Variants in TRPA1 observed in about 807,000 individuals in gnomAD.
TRPA1 encodes the protein ankyrin-like with transmembrane domains 1.
TRPA1 carries 129 observed loss-of-function variants against 131.3 expected under a neutral mutation model. The observed-to-expected ratio is 0.98, with a 90% CI of 0.85 to 1.14. TRPA1 has a LOEUF of 1.14. TRPA1 is among the 50% of genes most tolerant of loss of function. The pLI, the probability that TRPA1 is intolerant of heterozygous loss-of-function variation, is 0.00. For missense variants in TRPA1, 1,304 were observed against 1,354.2 expected, an observed-to-expected ratio of 0.96 and a Z score of 0.58; for synonymous variants, 441 against 451.7, an observed-to-expected ratio of 0.98 and a Z score of 0.30.
intron 17 of TRPA1, among the ~76,000 whole-genome samples, 193 bp from the exon 18 acceptor site, chr8:72,039,990 G>T (rs1056042582): frequency 2.0e-5 from 3 of 152,024 alleles, no homozygotes; most frequent in African/African-American, 7.2e-5. Context: ...TTTTGTACAG[G>T]TAAAATTGTT....
chr8:72,057,869 A>G (rs185517507), intron 8 of TRPA1, 53 bp from the exon 9 acceptor site: 1 of 1,310,628 alleles, frequency 7.6e-7, no homozygotes. Context: ...ATAAATCATA[A>G]TATATTGTAA....
chr8:72,025,104 TCGTG>T (rs1320188402), intron 25 of TRPA1, among the ~76,000 whole-genome samples: 173 of 125,678 alleles, frequency 1.4e-3, no homozygotes, highest in African/African-American at 5.4e-3. Context: ...GTGTGTGTGT[TCGTG>T]TGTGTGTGTG....
the TRPA1 span, among the ~76,000 whole-genome samples, chr8:72,081,527 T>C: frequency 6.6e-6 from 1 of 151,878 alleles, no homozygotes; most frequent in South Asian, 2.1e-4. Context: ...TCGGTGATAG[T>C]GTTGCTCAAG....
the TRPA1 span, among the ~76,000 whole-genome samples, chr8:72,089,941 T>G: frequency 1.3e-5 from 2 of 152,060 alleles, no homozygotes; most frequent in East Asian, 1.9e-4. Flanking sequence ...AGAAAAGGTA[T>G]GCTTACCTTT....
rs1489850970 is a variant in TRPA1 at position 72,039,055 on chromosome 8, G to A, written c.2133-28C>T. ...ACAAAAATATAAGCAAACCAGAATT[G>A]AGTCATTTCAAACAAAAATATTTAC... On this transcript the variant is annotated intron_variant, in intron 18 of 26. Coordinates refer to ENST00000262209, the MANE Select transcript of TRPA1 (RefSeq NM_007332.3). The A allele has an allele frequency of 3.1e-6, 5 of 1,609,782 alleles. No homozygotes were observed. In the South Asian group the frequency reaches 5.5e-5, roughly 18 times the overall value.
chr8:72,080,441 C>A (rs1478131601), upstream of TRPA1, among the ~76,000 whole-genome samples: 2 of 151,532 alleles, frequency 1.3e-5, no homozygotes, highest in Non-Finnish European at 3.0e-5. Context: ...TAATATTAAA[C>A]CAACCTTTTC....
In TRPA1 at chr8:72,062,803, A is replaced by C; in HGVS notation, c.803T>G (p.Val268Gly). 1 of 1,613,958 alleles carries C rather than the reference A, an allele frequency of 6.2e-7. No homozygotes were observed. Among genetic ancestry groups the C allele is most frequent in the South Asian group, 1.1e-5 (1 of 91,080 alleles). The change falls in exon 6 of 27, where the codon GTG becomes GGG. Residue 268 changes from valine (V) to glycine (G), a missense_variant. Coordinates refer to ENST00000262209, the MANE Select transcript of TRPA1 (RefSeq NM_007332.3). ...ATATAGAATATGAAGAGTTACCTCC[A>C]CTGGGTCTATTTGTGCACCATTGTC... ...CLDNGAQIDPVEKGRCTAIHF... is the reference protein window; with the variant it reads ...CLDNGAQIDPGEKGRCTAIHF...
chr8:72,046,656 A>T, intron 16 of TRPA1, 48 bp from the exon 17 acceptor site: 1 of 960,928 alleles, frequency 1.0e-6, no homozygotes, highest in Non-Finnish European at 1.6e-6. Flanking sequence ...TTAGTCAAGT[A>T]TAGAATCCCC....
At chr8:72,023,398 T>C (rs1461268207) in intron 26 of TRPA1, 2 of 506,642 alleles carry the variant, frequency 3.9e-6, no homozygotes, top group Non-Finnish European at 7.2e-6. Flanking sequence ...GGGTCACAGT[T>C]ATTACGTACC....
Position 72,068,893 on chromosome 8 carries a change from G to A in TRPA1, c.444+130C>T, listed in dbSNP as rs958836099. On this transcript the variant is annotated intron_variant, in intron 3 of 26. Transcript: ENST00000262209. The stretch of plus-strand genomic sequence containing the variant: ...TTAGTTAGTGAGAAGTAAAGCAAAT[G>A]TAATAATTGCATTTTGTTTGCCATG... 5.3e-6 allele frequency: 5 copies of A among 934,934 alleles called. No individual in the cohort carries two copies. In the African/African-American group the frequency reaches 6.5e-5, roughly 12 times the overall value. The allele number at this position is 934,934 out of a possible 1,614,324, so 57.9% of individuals were successfully genotyped here. A position where few individuals can be genotyped will look rare whatever the true frequency, so the allele number is the denominator to read the frequency against.
At chr8:72,074,148 GCTACAT>G (rs748630453) in intron 1 of TRPA1, among the ~76,000 whole-genome samples, 7 of 136,450 alleles carry the variant, frequency 5.1e-5, no homozygotes, top group African/African-American at 8.7e-5. Flanking sequence ...AGACAGAGAA[GCTACAT>G]CTAAACTCAC....
intron 1 of TRPA1, among the ~76,000 whole-genome samples, chr8:72,072,118 G>A (rs1185082001): frequency 6.6e-6 from 1 of 152,082 alleles, no homozygotes; most frequent in East Asian, 1.9e-4. Flanking sequence ...AGAAATAAAG[G>A]CCGTTCTTCC....
chr8:72,022,537 G>A lies in TRPA1; in HGVS notation c.*369C>T, dbSNP rs78925938. On this transcript the variant is annotated 3_prime_UTR_variant, in exon 27 of 27. Coordinates refer to ENST00000262209, the MANE Select transcript of TRPA1 (RefSeq NM_007332.3). ...TATTTTCTAGAGCATCACATATTAT[G>A]TAATTAACAAGCAGGAATTCAGTAC... 0.012 allele frequency: 4,128 copies of A among 352,114 alleles called. 151 individuals carry two copies. Among genetic ancestry groups the A allele is most frequent in the African/African-American group, 0.08 (3,746 of 47,104 alleles). The allele number at this position is 352,114 out of a possible 1,614,324, so 21.8% of individuals were successfully genotyped here.
Position 72,050,868 on chromosome 8 carries a change from C to T in TRPA1, c.1815G>A (p.Trp605Ter), listed in dbSNP as rs777465678. 14 of 1,601,868 alleles carry T rather than the reference C, an allele frequency of 8.7e-6. No individual in the cohort carries two copies. In the Admixed American group the frequency reaches 1.2e-4, roughly 13 times the overall value. Residue 605 changes from tryptophan (W) to a stop codon, truncating the protein, a stop_gained, in exon 15 of 27, where the codon TGG becomes TGA. Transcript: ENST00000262209. LOFTEE classifies it high-confidence loss of function. Reference protein sequence around the residue: ...VVLTIIRSKRWDECLKIFSHN... With the variant: ...VVLTIIRSKR Reference sequence around the variant, plus strand: ...GACTGAAAATCTTAAGACATTCATCCCATCTGTAAAAAATAAATAAGTAAG... The same window carrying T: ...GACTGAAAATCTTAAGACATTCATCTCATCTGTAAAAAATAAATAAGTAAG...
the TRPA1 span, among the ~76,000 whole-genome samples, chr8:72,087,996 C>T: frequency 2.0e-5 from 3 of 152,308 alleles, no homozygotes; most frequent in South Asian, 4.1e-4. Context: ...CCTCAGGGCC[C>T]ACTTGCCCAC....
At chr8:72,057,499 T>C (rs1056877455) in intron 9 of TRPA1, among the ~76,000 whole-genome samples, 4 of 152,218 alleles carry the variant, frequency 2.6e-5, no homozygotes, top group Non-Finnish European at 4.4e-5. Flanking sequence ...TCTACTATTG[T>C]TCTGAAATTA....
chr8:72,074,321 A>G (rs1806128707), intron 1 of TRPA1, among the ~76,000 whole-genome samples: 1 of 152,350 alleles, frequency 6.6e-6, no homozygotes, highest in South Asian at 2.1e-4. Context: ...ACAAGTGCCA[A>G]TTTGAAATGT....
In TRPA1 at chr8:72,061,731, C is replaced by A; in HGVS notation, c.838G>T (p.Ala280Ser). ...KGRCTAIHFA[A>S]TQGATEIVKL... ...ACAATCTCAGTGGCTCCCTGGGTGGCAGCAAAATGAATGGCTGTGCACCTT... is the reference window on the plus strand; with the variant it reads ...ACAATCTCAGTGGCTCCCTGGGTGGAAGCAAAATGAATGGCTGTGCACCTT... Residue 280 changes from alanine (A) to serine (S), a missense_variant, in exon 7 of 27, where the codon GCC (alanine) becomes TCC (serine). By Grantham distance (99) the Ala-to-Ser change is moderately conservative. Coordinates refer to ENST00000262209, the MANE Select transcript of TRPA1 (RefSeq NM_007332.3). The A allele has an allele frequency of 6.2e-7, 1 of 1,614,000 alleles. No homozygotes were observed. Among genetic ancestry groups the A allele is most frequent in the Non-Finnish European group, 8.5e-7 (1 of 1,179,938 alleles).
intron 1 of TRPA1, among the ~76,000 whole-genome samples, chr8:72,073,691 A>C (rs961743051): frequency 6.6e-6 from 1 of 152,248 alleles, no homozygotes; most frequent in Non-Finnish European, 1.5e-5. Context: ...CACGAAGACA[A>C]ATAATTTTGA....
Sources: gnomAD v4.1 joint callset for allele counts (sites outside exome capture counted in the v4.1 genomes callset) on GRCh38, gnomAD v4.1.1 for gene constraint, MANE v1.5 for transcripts, NCBI Gene and HGNC (gene_info 2026-07-23, HGNC 2026-07-21) for gene names.